The following PPP2R2C variants were observed in gnomAD, a reference collection of about 807,000 sequenced individuals.
The protein encoded by PPP2R2C is protein phosphatase 2 regulatory subunit Bgamma, also known as protein phosphatase 2, regulatory subunit B, gamma.
PPP2R2C carries 10 observed loss-of-function variants against 45.3 expected under a neutral mutation model. The ratio of observed to expected loss-of-function variants is 0.22; its 90% CI spans 0.14 to 0.37. The LOEUF is 0.37. Among genes scored for constraint, PPP2R2C ranks in the 10% least tolerant of loss-of-function variants. The pLI, the probability that PPP2R2C is intolerant of heterozygous loss-of-function variation, is 1.00. For missense variants in PPP2R2C, 308 were observed against 619.7 expected (o/e 0.50, Z 5.34); for synonymous variants, 257 against 245.4 (o/e 1.05, Z -0.44).
intron 1 of PPP2R2C, among the ~76,000 whole-genome samples, chr4:6,411,483 C>G (rs1437163221): frequency 6.6e-6 from 1 of 152,142 alleles, no homozygotes; most frequent in Non-Finnish European, 1.5e-5. Context: ...TCTCCCTATA[C>G]TGCCCATACT....
rs1731785677 is a variant in PPP2R2C, at chr4:6,324,455, A to AAAAGG, written c.1053-863_1053-862insCCTTT. ...TCGAAAAAAGAAAAGAAAAGAAAAG[A>AAAAGG]AAAGACCCTCCTGTAATTTCTGTTA... On this transcript the variant is annotated intron_variant, in intron 8 of 8. Transcript: ENST00000382599. This position sits in a 1 kb window ranked among gnomAD's most constrained non-coding sequence, Gnocchi z 4.1. Among the ~76,000 whole-genome samples the AAAAGG allele has an allele frequency of 6.6e-6, 1 of 152,226 alleles. No homozygotes were observed. Among genetic ancestry groups the AAAAGG allele is most frequent in the African/African-American group, 2.4e-5 (1 of 41,542 alleles).
intron 1 of PPP2R2C, among the ~76,000 whole-genome samples, chr4:6,535,724 C>CT (rs1724586674): frequency 6.6e-6 from 1 of 152,220 alleles, no homozygotes; most frequent in Non-Finnish European, 1.5e-5. Flanking sequence ...AAATCCCTCA[C>CT]TAGGGACTCC....
At chr4:6,484,623 A>G (rs1313331776) in intron 2 of PPP2R2C, among the ~76,000 whole-genome samples, 1 of 151,762 alleles carries the variant, frequency 6.6e-6, no homozygotes, top group Non-Finnish European at 1.5e-5. Flanking sequence ...CTCCCATAGT[A>G]TATCTCTCCA....
intron 5 of PPP2R2C, chr4:6,348,710 C>G: frequency 1.0e-6 from 1 of 985,296 alleles, no homozygotes; most frequent in Non-Finnish European, 1.2e-6. Flanking sequence ...AAAGAAGGAG[C>G]TTCTATCTGC....
At chr4:6,558,310 C>G (rs1187985704) in intron 1 of PPP2R2C, among the ~76,000 whole-genome samples, 3 of 152,200 alleles carry the variant, frequency 2.0e-5, no homozygotes, top group African/African-American at 4.8e-5. Context: ...ACTTAAGGGG[C>G]CCCATCCCCT....
intron 1 of PPP2R2C, among the ~76,000 whole-genome samples, chr4:6,453,239 C>G (rs914392208): frequency 3.3e-5 from 5 of 152,182 alleles, no homozygotes; most frequent in Admixed American, 2.0e-4. Flanking sequence ...CACCGCAGGT[C>G]ACAAACACCA....
intron 1 of PPP2R2C, among the ~76,000 whole-genome samples, chr4:6,430,154 A>C (rs939228585): frequency 6.6e-6 from 1 of 152,052 alleles, no homozygotes; most frequent in Non-Finnish European, 1.5e-5. Context: ...AATCAGCCCC[A>C]TTTTCCCCAG....
intron 1 of PPP2R2C, among the ~76,000 whole-genome samples, chr4:6,466,356 C>T (rs1721595507): frequency 1.3e-5 from 2 of 152,174 alleles, no homozygotes; most frequent in African/African-American, 2.4e-5. Flanking sequence ...AGAACATGAA[C>T]CCAAGCACAG....
chr4:6,340,076 G>T lies in PPP2R2C; in HGVS notation c.791-6345C>A, dbSNP rs181802519. On this transcript the variant is annotated intron_variant, in intron 6 of 8. Coordinates refer to ENST00000382599, the MANE Select transcript of PPP2R2C (RefSeq NM_020416.4). ...GGAGGGAGCAGGGAGTTCCTACAAT[G>T]GCACAGGTGGGCACAATGAATGCTC... Among the ~76,000 whole-genome samples, 282 of 152,258 alleles carry T rather than the reference G, an allele frequency of 1.9e-3. 2 individuals are homozygous for T. The highest frequency in any genetic ancestry group is 6.5e-3 in the African/African-American group (268 of 41,540).
intron 1 of PPP2R2C, chr4:6,384,036 T>G: frequency 5.1e-6 from 5 of 985,396 alleles, no homozygotes; most frequent in Non-Finnish European, 6.0e-6. Flanking sequence ...AAAGACAAGA[T>G]AAGAAAAGCA....
chr4:6,392,213 T>C (rs1344398317), intron 1 of PPP2R2C, among the ~76,000 whole-genome samples: 3 of 152,338 alleles, frequency 2.0e-5, no homozygotes, highest in African/African-American at 7.2e-5. Context: ...CTATGTCATG[T>C]ATATTCTACC....
intron 2 of PPP2R2C, among the ~76,000 whole-genome samples, chr4:6,511,780 A>G (rs147194296): frequency 1.7e-4 from 2 of 12,092 alleles, no homozygotes; most frequent in African/African-American, 2.5e-4. Flanking sequence ...GATGGTGGTA[A>G]TGGTGGTGGT....
chr4:6,362,708 A>G (rs1203464858), intron 5 of PPP2R2C, among the ~76,000 whole-genome samples: 1 of 152,182 alleles, frequency 6.6e-6, no homozygotes, highest in African/African-American at 2.4e-5. Context: ...AGTGGTCATG[A>G]GACTGAAATG....
intron 1 of PPP2R2C, among the ~76,000 whole-genome samples, chr4:6,461,798 G>C (rs963786609): frequency 6.6e-6 from 1 of 152,264 alleles, no homozygotes; most frequent in Non-Finnish European, 1.5e-5. Flanking sequence ...TGGTCCTGCT[G>C]TATGTAGTGA....
chr4:6,382,059 C>T (rs1715837892), intron 1 of PPP2R2C: 1 of 1,401,840 alleles, frequency 7.1e-7, no homozygotes, highest in South Asian at 1.6e-5. Context: ...AGGCCTGCTC[C>T]ACCAACAAGT....
At chr4:6,416,251 CA>C (rs1426135854) in intron 1 of PPP2R2C, among the ~76,000 whole-genome samples, 4 of 134,026 alleles carry the variant, frequency 3.0e-5, no homozygotes, top group Non-Finnish European at 6.6e-5. Context: ...TAGGTGCACA[CA>C]ACCGCCCCCA....
chr4:6,418,389 G>C (rs1427860184), intron 1 of PPP2R2C, among the ~76,000 whole-genome samples: 1 of 152,176 alleles, frequency 6.6e-6, no homozygotes, highest in African/African-American at 2.4e-5. Flanking sequence ...ACTCATCAAG[G>C]GCCACACAGC....
chr4:6,375,215 C>A (rs1307530820), intron 4 of PPP2R2C, among the ~76,000 whole-genome samples: 3 of 152,176 alleles, frequency 2.0e-5, no homozygotes, highest in Non-Finnish European at 4.4e-5. Context: ...GTGCAATTTG[C>A]CAGTCATTTA....
Position 6,378,299 on chromosome 4 carries a change from T to C in PPP2R2C, c.334+108A>G, listed in dbSNP as rs1715507936. 4 of 1,566,374 alleles carry C rather than the reference T, an allele frequency of 2.6e-6. No individual in the cohort carries two copies. Among genetic ancestry groups the C allele is most frequent in the Non-Finnish European group, 3.4e-6 (4 of 1,160,482 alleles). On this transcript the variant is annotated intron_variant, in intron 3 of 8. Transcript: ENST00000382599. This position sits in a 1 kb window ranked among gnomAD's most constrained non-coding sequence, Gnocchi z 5.2. Reference sequence around the variant, plus strand: ...CAAAAAGGATATTATTTTCTAGGCGTTCTGAAGACATAGAAAAATGCTCAC... The same window carrying C: ...CAAAAAGGATATTATTTTCTAGGCGCTCTGAAGACATAGAAAAATGCTCAC...
Sources: gnomAD v4.1 joint callset for allele counts (sites outside exome capture counted in the v4.1 genomes callset) on GRCh38, gnomAD v4.1.1 for gene constraint, Gnocchi (gnomAD v3.1) non-coding constraint, MANE v1.5 for transcripts, NCBI Gene and HGNC (gene_info 2026-07-23, HGNC 2026-07-21) for gene names.